Variants in TMEM131L observed in about 807,000 individuals in gnomAD.
TMEM131L encodes transmembrane 131 like.
TMEM131L carries 54 observed loss-of-function variants against 192.2 expected under a neutral mutation model. The ratio of observed to expected loss-of-function variants is 0.28; its 90% confidence interval spans 0.23 to 0.35. The LOEUF is 0.35. TMEM131L is among the 10% of genes least tolerant of loss of function. The probability of loss-of-function intolerance (pLI) is 1.00; values close to 1 mark genes in which losing one functional copy is unlikely to be tolerated. For synonymous variants in TMEM131L, 701 were observed against 704.9 expected, an observed-to-expected ratio of 0.99 and a Z score of 0.09; for missense variants, 1,888 against 1,972.9, an observed-to-expected ratio of 0.96 and a Z score of 0.82.
chr4:153,628,022 A>G (rs1462029244), intron 31 of TMEM131L, among the ~76,000 whole-genome samples: 1 of 152,252 alleles, frequency 6.6e-6, no homozygotes, highest in East Asian at 1.9e-4. Context: ...AGAAAAGTAC[A>G]GAAGGTAGAT....
At chr4:153,509,263 G>A (rs1368454419) in intron 3 of TMEM131L, among the ~76,000 whole-genome samples, 2 of 151,522 alleles carry the variant, frequency 1.3e-5, no homozygotes, top group African/African-American at 4.9e-5. Context: ...ACTCTGGGAG[G>A]CTGAGGTGGG....
In TMEM131L at chr4:153,592,483, C is replaced by T. The variant is rs1027450853; in HGVS notation, c.1821C>T (p.Tyr607=). The T allele has an allele frequency of 2.5e-6, 4 of 1,613,440 alleles. No individual in the cohort carries two copies. Among genetic ancestry groups the T allele is most frequent in the Admixed American group, 3.3e-5 (2 of 60,010 alleles). Residue 607 remains tyrosine, a synonymous_variant, in exon 18 of 35, where the codon TAC becomes TAT. Coordinates refer to ENST00000409959, the MANE Select transcript of TMEM131L (RefSeq NM_001131007.2). The stretch of plus-strand genomic sequence containing the variant: ...TCTTTCCTCACACCTAGATCAAGTA[C>T]TTTGTGGTGCAGAACCCGTCCTCTT... The part of the protein sequence containing the change: ...ATALRSRMIK[Y]FVVQNPSSWP...
chr4:153,506,852 A>G lies in TMEM131L; in HGVS notation c.239+32964A>G, dbSNP rs555315084. Among the ~76,000 whole-genome samples the G allele has an allele frequency of 8.7e-3, 1,209 of 138,300 alleles. 19 individuals carry two copies. The highest frequency in any genetic ancestry group is 0.028 in the African/African-American group (1,128 of 40,412). 90.7% of individuals were successfully genotyped at this position (138,300 alleles called of 152,430 possible). A position where few individuals can be genotyped will look rare whatever the true frequency, so the allele number is the denominator to read the frequency against. ...AGTGAGACTCTGTATCCAAAAAAAA[A>G]AAAAAAAAAGAAGAAAGAAAAAAAG... On this transcript the variant is annotated intron_variant, in intron 3 of 34. Transcript: ENST00000409959.
intron 31 of TMEM131L, among the ~76,000 whole-genome samples, chr4:153,628,752 T>A (rs1030565983): frequency 2.6e-5 from 4 of 152,234 alleles, no homozygotes; most frequent in African/African-American, 9.6e-5. Flanking sequence ...AGGATTTTAA[T>A]GGTGTGGAAA....
intron 6 of TMEM131L, among the ~76,000 whole-genome samples, 197 bp from the exon 7 acceptor site, chr4:153,558,061 G>A (rs1003874115): frequency 3.9e-5 from 6 of 152,180 alleles, no homozygotes; most frequent in African/African-American, 1.4e-4. Context: ...GTGAGCCACC[G>A]TGCTCAGCCA....
At chr4:153,511,320 T>A (rs964201884) in intron 3 of TMEM131L, among the ~76,000 whole-genome samples, 22 of 152,218 alleles carry the variant, frequency 1.4e-4, no homozygotes, top group African/African-American at 5.1e-4. Context: ...AATGAGATCA[T>A]GTCCTTTGCG....
chr4:153,604,436 CT>C lies in TMEM131L; in HGVS notation c.3418+10del. ...AATTTCCAGGAAAAATAATGGTAAT[CT>C]TTTCATCCCCTTTGATAATTCTCTC... On this transcript the variant is annotated splice_region_variant and intron_variant, in intron 25 of 34. Coordinates refer to ENST00000409959, the MANE Select transcript of TMEM131L (RefSeq NM_001131007.2). 6.3e-7 allele frequency: 1 copy of C among 1,591,732 alleles called. No individual in the cohort carries two copies.
At chr4:153,551,426 C>T (rs116386620) in intron 4 of TMEM131L, among the ~76,000 whole-genome samples, 7,945 of 151,174 alleles carry the variant, frequency 0.053, 582 homozygotes, top group African/African-American at 0.16. Flanking sequence ...GGCACAGTGT[C>T]GGCTCACTGC....
rs754392545 is a variant in TMEM131L at position 153,602,581 on chromosome 4, C to G, written c.2493C>G (p.Asp831Glu). ...PDFTSSWVIR[D>E]LSLVTAADLE... The stretch of plus-strand genomic sequence containing the variant: ...TTACCTCCTCCTGGGTAATTCGGGA[C>G]CTAAGTCTTGTAACCGCAGCGGACC... The change falls in exon 23 of 35, where the codon GAC (aspartate) becomes GAG (glutamate). Residue 831 changes from aspartate (D) to glutamate (E), a missense_variant. Coordinates refer to ENST00000409959, the MANE Select transcript of TMEM131L (RefSeq NM_001131007.2). 1.9e-6 allele frequency: 3 copies of G among 1,613,980 alleles called. No homozygotes were observed. The highest frequency in any genetic ancestry group is 2.5e-6 in the Non-Finnish European group (3 of 1,180,002).
chr4:153,536,196 G>T lies in TMEM131L; in HGVS notation c.240-13877G>T, dbSNP rs73856904. ...CTGGGGCAGACCTGGCCACTGGGGGGGTTAACAAGCTGCTGATGGGGCAGA... is the reference window on the plus strand; with the variant it reads ...CTGGGGCAGACCTGGCCACTGGGGGTGTTAACAAGCTGCTGATGGGGCAGA... On this transcript the variant is annotated intron_variant, in intron 3 of 34. Coordinates refer to ENST00000409959, the MANE Select transcript of TMEM131L (RefSeq NM_001131007.2). Among the ~76,000 whole-genome samples, 3 of 152,250 alleles carry T rather than the reference G, an allele frequency of 2.0e-5. No homozygotes were observed. The East Asian group carries it at 5.8e-4, about 29-fold the overall frequency.
chr4:153,601,078 C>G (rs1389220863), intron 21 of TMEM131L, among the ~76,000 whole-genome samples: 1 of 150,378 alleles, frequency 6.6e-6, no homozygotes, highest in Non-Finnish European at 1.5e-5. Flanking sequence ...TCACTGCACT[C>G]CAGCCTGGGT....
At chr4:153,569,057 C>T (rs1259873653) in intron 7 of TMEM131L, among the ~76,000 whole-genome samples, 1 of 152,190 alleles carries the variant, frequency 6.6e-6, no homozygotes, top group Non-Finnish European at 1.5e-5. Flanking sequence ...CCTTCTCACC[C>T]CTTCCTACAG....
At chr4:153,506,187 A>G (rs1733972490) in intron 3 of TMEM131L, among the ~76,000 whole-genome samples, 1 of 152,240 alleles carries the variant, frequency 6.6e-6, no homozygotes, top group Non-Finnish European at 1.5e-5. Flanking sequence ...ACCTGGGAAA[A>G]GTAACCCAGA....
Position 153,603,378 on chromosome 4 carries a change from A to C in TMEM131L, c.2715A>C (p.Arg905Ser). 3 of 1,614,076 alleles carry C rather than the reference A, an allele frequency of 1.9e-6. No homozygotes were observed. Among genetic ancestry groups the C allele is most frequent in the Non-Finnish European group, 2.5e-6 (3 of 1,179,942 alleles). The stretch of plus-strand genomic sequence containing the variant: ...TTCTCATGGAATTCATGAAAACAAG[A>C]CAGAGGCAAAATGCTAGCTCCTCTT... ...QYILMEFMKT[R>S]QRQNASSSSQ... Residue 905 changes from arginine to serine, a missense_variant, in exon 24 of 35, where the codon AGA becomes AGC. Physicochemically the swap from Arg to Ser is moderately radical, Grantham distance 110 (BLOSUM62 -1). Transcript: ENST00000409959.
chr4:153,563,566 C>T (rs528770744), intron 7 of TMEM131L, among the ~76,000 whole-genome samples: 8 of 145,858 alleles, frequency 5.5e-5, no homozygotes, highest in East Asian at 2.1e-4. Flanking sequence ...CTCCTGAGCT[C>T]GACCCGTCCT....
At chr4:153,487,693 C>CATGTGT (rs1554020495) in intron 3 of TMEM131L, among the ~76,000 whole-genome samples, 1 of 142,020 alleles carries the variant, frequency 7.0e-6, no homozygotes, top group Non-Finnish European at 1.5e-5. Flanking sequence ...GCTGCACAGG[C>CATGTGT]GTGTGTGTGT....
intron 31 of TMEM131L, among the ~76,000 whole-genome samples, chr4:153,630,290 A>G (rs1407583715): frequency 6.6e-6 from 1 of 152,202 alleles, no homozygotes. Flanking sequence ...GCGGCTGTCC[A>G]CAGGAGCCTA....
chr4:153,467,683 G>C (rs1342685591), intron 2 of TMEM131L, among the ~76,000 whole-genome samples: 1 of 152,238 alleles, frequency 6.6e-6, no homozygotes, highest in Admixed American at 6.5e-5. Context: ...TGCCATTAGC[G>C]TTAAGTAGCT....
rs183901779 is a variant in TMEM131L at position 153,482,870 on chromosome 4, C to T, written c.239+8982C>T. Among the ~76,000 whole-genome samples, 952 of 152,234 alleles carry T rather than the reference C, an allele frequency of 6.3e-3. 28 individuals are homozygous for T. The highest frequency in any genetic ancestry group is 0.054 in the Admixed American group (820 of 15,286). ...CCTTCTAAAATGTTGGCATTACAGG[C>T]GTGAGCCATCGTGTCCAGTCCCTAA... On this transcript the variant is annotated intron_variant, in intron 3 of 34. Transcript: ENST00000409959.
Sources: allele counts gnomAD v4.1 joint callset (sites outside exome capture counted in the v4.1 genomes callset), GRCh38; gene constraint gnomAD v4.1.1; transcripts MANE v1.5; gene names NCBI Gene and HGNC (gene_info 2026-07-23, HGNC 2026-07-21).